The following STX8 variants were observed in gnomAD, a reference collection of about 807,000 sequenced individuals.
STX8 encodes the protein syntaxin-8.
Under a neutral mutation model 37.5 loss-of-function variants are expected in STX8, and 23 were observed. That is an observed-to-expected ratio of 0.61 (90% CI 0.44 to 0.87). The LOEUF (loss-of-function observed/expected upper bound fraction) is 0.87, where lower values mean the gene tolerates loss of function less well. STX8 is among the 40% of genes least tolerant of loss of function. STX8 has a pLI of 0.00. For missense variants in STX8, 313 were observed against 284.7 expected (o/e 1.10, Z -0.71); for synonymous variants, 115 against 99.1 (o/e 1.16, Z -0.95).
intron 3 of STX8, among the ~76,000 whole-genome samples, chr17:9,552,046 C>T (rs1458367): frequency 0.89 from 135,301 of 152,224 alleles, 61,153 homozygotes; most frequent in East Asian, 1. Context: ...AACCATGTAA[C>T]AGTTCTGTAT....
At position 9,506,407 on chromosome 17, in the gene STX8, T is replaced by A. The variant is rs529626089; in HGVS notation, c.324-1245A>T. On this transcript the variant is annotated intron_variant, in intron 4 of 7. Coordinates refer to ENST00000306357, the MANE Select transcript of STX8 (RefSeq NM_004853.3). Reference sequence around the variant, plus strand: ...TTAGAGTCAGCTGGTGCTCACCCGCTCCCCCCCCCCCCCACCCACCTTTCT... The same window carrying A: ...TTAGAGTCAGCTGGTGCTCACCCGCACCCCCCCCCCCCCACCCACCTTTCT... 2.0e-4 allele frequency among the ~76,000 whole-genome samples: 8 copies of A among 39,332 alleles called. 2 individuals carry two copies. The highest frequency in any genetic ancestry group is 6.1e-4 in the African/African-American group (7 of 11,558). The allele number at this position is 39,332 out of a possible 152,430, so 25.8% of individuals were successfully genotyped here. A position where few individuals can be genotyped will look rare whatever the true frequency, so the allele number is the denominator to read the frequency against.
At chr17:9,260,218 G>A (rs1384922981) in intron 7 of STX8, among the ~76,000 whole-genome samples, 1 of 152,212 alleles carries the variant, frequency 6.6e-6, no homozygotes, top group Non-Finnish European at 1.5e-5. Flanking sequence ...AGCTACTCGG[G>A]AGGCTGTGGT....
chr17:9,481,965 CA>C (rs1302462611), intron 6 of STX8, among the ~76,000 whole-genome samples: 1 of 152,094 alleles, frequency 6.6e-6, no homozygotes, highest in Admixed American at 6.5e-5. Flanking sequence ...TCCCTGGTGC[CA>C]AAAAGGTTGG....
chr17:9,368,300 C>G (rs573934821), intron 7 of STX8, among the ~76,000 whole-genome samples: 14 of 152,118 alleles, frequency 9.2e-5, no homozygotes, highest in African/African-American at 2.2e-4. Flanking sequence ...GTCAGGAGAT[C>G]GAGACCATCC....
intron 6 of STX8, among the ~76,000 whole-genome samples, chr17:9,388,878 A>G (rs1912111318): frequency 1.3e-5 from 2 of 151,782 alleles, no homozygotes; most frequent in Non-Finnish European, 2.9e-5. Flanking sequence ...CCATCTAATG[A>G]TATCATTTGT....
At chr17:9,364,016 C>T (rs1177121418) in intron 7 of STX8, among the ~76,000 whole-genome samples, 1 of 152,170 alleles carries the variant, frequency 6.6e-6, no homozygotes, top group Non-Finnish European at 1.5e-5. Flanking sequence ...CAAATAAATG[C>T]TGTTAGCAGA....
chr17:9,546,491 G>A (rs2142571343), intron 3 of STX8, among the ~76,000 whole-genome samples: 1 of 48,140 alleles, frequency 2.1e-5, no homozygotes, highest in East Asian at 7.1e-4. Flanking sequence ...TGCGCATGAA[G>A]CAAAAAGGGA....
At position 9,472,224 on chromosome 17, in the gene STX8, G is replaced by A. The variant is rs370643473; in HGVS notation, c.541+19605C>T. ...CCACTGGTCATCCCTCTCTGAGGCCGAAACAAAAGGCAGGGCATCACCTTG... is the reference window on the plus strand; with the variant it reads ...CCACTGGTCATCCCTCTCTGAGGCCAAAACAAAAGGCAGGGCATCACCTTG... On this transcript the variant is annotated intron_variant, in intron 6 of 7. Transcript: ENST00000306357. 2.8e-4 allele frequency among the ~76,000 whole-genome samples: 43 copies of A among 152,286 alleles called. No homozygotes were observed. The East Asian group carries it at 3.3e-3, about 12-fold the overall frequency.
At chr17:9,429,655 A>C (rs1373891544) in intron 6 of STX8, among the ~76,000 whole-genome samples, 1 of 131,480 alleles carries the variant, frequency 7.6e-6, no homozygotes, top group African/African-American at 2.9e-5. Flanking sequence ...GTGAGCTGAG[A>C]TCGCGTCACT....
rs182046274 is a variant in STX8 at position 9,327,347 on chromosome 17, A to G, written c.643+51205T>C. ...GGAGAAGAGAAGGAGAAGGAGGAGG[A>G]GGAGAAGGAGAGGGAGAGGGAGAAG... On this transcript the variant is annotated intron_variant, in intron 7 of 7. Coordinates refer to ENST00000306357, the MANE Select transcript of STX8 (RefSeq NM_004853.3). 1.8e-4 allele frequency among the ~76,000 whole-genome samples: 27 copies of G among 148,754 alleles called. No individual in the cohort carries two copies. The East Asian group carries it at 4.9e-3, about 27-fold the overall frequency.
intron 7 of STX8, among the ~76,000 whole-genome samples, chr17:9,263,021 T>TA (rs1444995516): frequency 6.6e-6 from 1 of 152,242 alleles, no homozygotes; most frequent in Admixed American, 6.5e-5. Flanking sequence ...GCTTTTGCTT[T>TA]ACTACTTTAG....
chr17:9,339,070 C>CAAAAAAAAAAAAAAAA (rs34987749), intron 7 of STX8, among the ~76,000 whole-genome samples: 7 of 70,024 alleles, frequency 1.0e-4, no homozygotes, highest in African/African-American at 4.5e-4. Context: ...GACTCCGTCT[C>CAAAAAAAAAAAAAAAA]AAAAAAAAAA....
At chr17:9,349,816 C>A (rs1404760195) in intron 7 of STX8, among the ~76,000 whole-genome samples, 1 of 151,388 alleles carries the variant, frequency 6.6e-6, no homozygotes, top group Admixed American at 6.6e-5. Context: ...GAAATAAATG[C>A]CTACGGGATG....
intron 7 of STX8, among the ~76,000 whole-genome samples, chr17:9,343,016 CTCAAAA>C (rs1177652474): frequency 8.0e-4 from 34 of 42,496 alleles, no homozygotes; most frequent in Admixed American, 4.7e-3. Context: ...GTGAAACTGT[CTCAAAA>C]AAAAAAAAAA....
chr17:9,468,755 G>A (rs1397885830), intron 6 of STX8, among the ~76,000 whole-genome samples: 1 of 152,170 alleles, frequency 6.6e-6, no homozygotes, highest in African/African-American at 2.4e-5. Context: ...TCCAATGACT[G>A]ATCAAGGCTG....
intron 7 of STX8, among the ~76,000 whole-genome samples, chr17:9,257,634 G>A (rs906753378): frequency 5.3e-5 from 8 of 152,202 alleles, no homozygotes; most frequent in Admixed American, 3.9e-4. Flanking sequence ...TTTTTATCTG[G>A]TTTTGTTGCA....
intron 6 of STX8, among the ~76,000 whole-genome samples, chr17:9,465,017 G>A (rs773880860): frequency 3.3e-5 from 5 of 151,940 alleles, no homozygotes; most frequent in East Asian, 1.9e-4. Flanking sequence ...CACCATGCCC[G>A]GCCTCATCCT....
intron 7 of STX8, among the ~76,000 whole-genome samples, chr17:9,256,574 G>T (rs1472823672): frequency 6.6e-6 from 1 of 152,114 alleles, no homozygotes; most frequent in African/African-American, 2.4e-5. Context: ...ATATTATTTT[G>T]AAACAAATTC....
At chr17:9,503,926 A>G (rs7216166) in intron 5 of STX8, among the ~76,000 whole-genome samples, 107,640 of 151,326 alleles carry the variant, frequency 0.71, 38,512 homozygotes, top group Middle Eastern at 0.85. Context: ...CACCACACCC[A>G]GCTAATTTTT....
Sources: allele counts gnomAD v4.1 joint callset (sites outside exome capture counted in the v4.1 genomes callset), GRCh38; gene constraint gnomAD v4.1.1; transcripts MANE v1.5; gene names NCBI Gene and HGNC (gene_info 2026-07-23, HGNC 2026-07-21).